Variants in PRKACB observed in about 807,000 individuals in gnomAD.
The protein encoded by PRKACB is cAMP-dependent protein kinase catalytic subunit beta.
A neutral mutation model predicts 51.4 loss-of-function variants in PRKACB; 16 were observed. The ratio of observed to expected loss-of-function variants is 0.31; its 90% CI spans 0.21 to 0.47. PRKACB has a LOEUF of 0.47. PRKACB is among the 20% of genes least tolerant of loss of function. PRKACB has a pLI of 1.00. For synonymous variants in PRKACB, 147 were observed against 154.4 expected (o/e 0.95, Z 0.35); for missense variants, 309 against 464.5 (o/e 0.67, Z 3.08).
At chr1:84,191,050 A>T (rs1471662620) in intron 5 of PRKACB, among the ~76,000 whole-genome samples, 1 of 151,914 alleles carries the variant, frequency 6.6e-6, no homozygotes, top group East Asian at 1.9e-4. Context: ...TGAGATTTTG[A>T]TCCTGTTATT....
At chr1:84,116,321 A>G (rs1375992596) in intron 1 of PRKACB, among the ~76,000 whole-genome samples, 1 of 152,048 alleles carries the variant, frequency 6.6e-6, no homozygotes, top group Non-Finnish European at 1.5e-5. Context: ...TGCTTTGGCT[A>G]TTTGGGCTCC....
At chr1:84,231,298 G>T (rs1162558829) in intron 9 of PRKACB, among the ~76,000 whole-genome samples, 6 of 152,060 alleles carry the variant, frequency 3.9e-5, no homozygotes, top group African/African-American at 1.2e-4. Context: ...ATAAGCTTTT[G>T]GATGTGCTGC....
At chr1:84,091,018 AC>A (rs1648424450) in intron 1 of PRKACB, among the ~76,000 whole-genome samples, 1 of 151,790 alleles carries the variant, frequency 6.6e-6, no homozygotes, top group South Asian at 2.1e-4. Context: ...AAAAACGTGT[AC>A]CCCTTTTCCC....
intron 9 of PRKACB, among the ~76,000 whole-genome samples, chr1:84,218,052 CAT>C (rs1327625910): frequency 1.3e-5 from 2 of 151,982 alleles, no homozygotes; most frequent in Admixed American, 6.6e-5. Context: ...TCATGAAGTA[CAT>C]GTTATATTTT....
intron 1 of PRKACB, among the ~76,000 whole-genome samples, chr1:84,115,201 CTT>C (rs200269757): frequency 3.5e-5 from 5 of 143,156 alleles, no homozygotes; most frequent in Admixed American, 7.0e-5. Flanking sequence ...ATATCTGCTA[CTT>C]TTTTTTTTTT....
At position 84,205,293 on chromosome 1, in the gene PRKACB, T is replaced by G. The variant is rs1328650693; in HGVS notation, c.906+2488T>G. 5.1e-6 allele frequency: 5 copies of G among 974,498 alleles called. No homozygotes were observed. In the African/African-American group the frequency reaches 8.8e-5, roughly 17 times the overall value. 60.4% of individuals were successfully genotyped at this position (974,498 alleles called of 1,614,324 possible). A position where few individuals can be genotyped will look rare whatever the true frequency, so the allele number is the denominator to read the frequency against. ...CCCAATAAATCATCTGTTTCAAAAC[T>G]CAAATTCAAACTAGAATGTGTCTCT... On this transcript the variant is annotated intron_variant, in intron 8 of 9. Coordinates refer to ENST00000370685, the MANE Select transcript of PRKACB (RefSeq NM_182948.4).
intron 1 of PRKACB, 41 bp from the exon 2 acceptor site, chr1:84,179,136 A>T: frequency 6.5e-7 from 1 of 1,527,594 alleles, no homozygotes; most frequent in Non-Finnish European, 8.9e-7. Context: ...GAATATAAAT[A>T]TTCTTACAAG....
intron 1 of PRKACB, among the ~76,000 whole-genome samples, chr1:84,101,174 G>A (rs986130811): frequency 2.0e-5 from 3 of 152,124 alleles, no homozygotes; most frequent in African/African-American, 4.8e-5. Flanking sequence ...AATCTATAGG[G>A]CAATCTGCAA....
chr1:84,130,462 G>A (rs1652073659), intron 1 of PRKACB, among the ~76,000 whole-genome samples: 1 of 152,108 alleles, frequency 6.6e-6, no homozygotes, highest in Non-Finnish European at 1.5e-5. Flanking sequence ...AGGAGAAATT[G>A]TCTATTGTAA....
rs150412099 is a variant in PRKACB at position 84,161,358 on chromosome 1, T to A, written c.187+16810T>A. 6.0e-3 allele frequency among the ~76,000 whole-genome samples: 908 copies of A among 152,026 alleles called. 8 individuals are homozygous for A. The highest frequency in any genetic ancestry group is 6.5e-3 in the Non-Finnish European group (438 of 67,852). On this transcript the variant is annotated intron_variant, in intron 1 of 9. Coordinates refer to ENST00000370685, the MANE Select transcript of PRKACB (RefSeq NM_182948.4). The stretch of plus-strand genomic sequence containing the variant: ...ACTTTAGCCTATTTATATCTATGAA[T>A]CTAAAATGTGTCTCTTATAGATGTT...
At chr1:84,180,573 A>G (rs995045456) in intron 2 of PRKACB, among the ~76,000 whole-genome samples, 3 of 151,984 alleles carry the variant, frequency 2.0e-5, no homozygotes, top group African/African-American at 7.2e-5. Flanking sequence ...TATGGAAAAT[A>G]AAAGAAAAAT....
chr1:84,102,971 A>G (rs1469996413), intron 1 of PRKACB, among the ~76,000 whole-genome samples: 1 of 152,188 alleles, frequency 6.6e-6, no homozygotes, highest in East Asian at 1.9e-4. Context: ...TTGGGCAGAT[A>G]ACTTGTCTCT....
intron 1 of PRKACB, among the ~76,000 whole-genome samples, chr1:84,117,873 G>A (rs1246507438): frequency 1.3e-5 from 2 of 152,056 alleles, no homozygotes; most frequent in Non-Finnish European, 2.9e-5. Context: ...GAAGTATATT[G>A]TTATATGTTA....
chr1:84,201,883 T>G (rs1218497831), intron 7 of PRKACB, among the ~76,000 whole-genome samples: 1 of 152,128 alleles, frequency 6.6e-6, no homozygotes, highest in East Asian at 1.9e-4. Context: ...ATTTATTTTC[T>G]TATGAATACT....
Position 84,112,493 on chromosome 1 carries a change from T to C in PRKACB, c.46+34122T>C, listed in dbSNP as rs553453976. ...CACAAGTGATCCACCTGCCTCGGCC[T>C]CCCAAAGTGCTAGGATTACAGGCGT... On this transcript the variant is annotated intron_variant, in intron 1 of 8. Coordinates refer to the PRKACB transcript ENST00000370688. Among the ~76,000 whole-genome samples, 36 of 152,264 alleles carry C rather than the reference T, an allele frequency of 2.4e-4. No individual in the cohort carries two copies. In the South Asian group the frequency reaches 7.5e-3, roughly 32 times the overall value.
intron 1 of PRKACB, among the ~76,000 whole-genome samples, chr1:84,098,319 T>G (rs1026996995): frequency 6.6e-6 from 1 of 152,160 alleles, no homozygotes; most frequent in African/African-American, 2.4e-5. Context: ...TATATTTTGA[T>G]GAACACAGCT....
At chr1:84,146,065 C>T (rs1025781890) in intron 1 of PRKACB, among the ~76,000 whole-genome samples, 4 of 151,388 alleles carry the variant, frequency 2.6e-5, no homozygotes, top group Non-Finnish European at 5.9e-5. Context: ...ATCTGTGATG[C>T]TTTCTAAAAC....
intron 1 of PRKACB, among the ~76,000 whole-genome samples, chr1:84,176,613 T>C (rs1387072420): frequency 6.7e-6 from 1 of 149,926 alleles, no homozygotes; most frequent in African/African-American, 2.4e-5. Context: ...TGAAAAAAAA[T>C]GTTTCAGGAA....
chr1:84,112,704 G>A (rs1250734113), intron 1 of PRKACB, among the ~76,000 whole-genome samples: 2 of 152,112 alleles, frequency 1.3e-5, no homozygotes, highest in African/African-American at 4.8e-5. Context: ...GACTAGTACA[G>A]GTCCTAAAGG....
Sources: allele counts gnomAD v4.1 joint callset (sites outside exome capture counted in the v4.1 genomes callset), GRCh38; gene constraint gnomAD v4.1.1; transcripts MANE v1.5; gene names NCBI Gene and HGNC (gene_info 2026-07-23, HGNC 2026-07-21).